Variants in COL19A1 observed in about 807,000 individuals in gnomAD.
COL19A1 encodes collagen type XIX alpha 1 chain.
COL19A1 carries 159 observed loss-of-function variants against 190.2 expected under a neutral mutation model. The observed-to-expected ratio is 0.84, with a 90% CI of 0.73 to 0.95. COL19A1 has a LOEUF of 0.95. Ranked by LOEUF, COL19A1 falls within the 40% of genes least tolerant of loss-of-function variation. The pLI is 0.00. For missense variants in COL19A1, 1,418 were observed against 1,431.9 expected, an observed-to-expected ratio of 0.99 and a Z score of 0.16; for synonymous variants, 509 against 458.9, an observed-to-expected ratio of 1.11 and a Z score of -1.39.
chr6:70,022,020 T>C (rs1455637565), intron 11 of COL19A1, among the ~76,000 whole-genome samples: 3 of 152,186 alleles, frequency 2.0e-5, no homozygotes, highest in Non-Finnish European at 2.9e-5. Context: ...TTTACTTCAT[T>C]TCCTATGCTT....
intron 13 of COL19A1, 55 bp from the exon 14 acceptor site, chr6:70,035,849 A>G: frequency 2.1e-6 from 3 of 1,451,762 alleles, no homozygotes; most frequent in South Asian, 1.2e-5. Context: ...AAATTTATAA[A>G]TAATGTGCAA....
intron 48 of COL19A1, among the ~76,000 whole-genome samples, chr6:70,191,574 T>G (rs1399090410): frequency 1.3e-5 from 2 of 152,232 alleles, no homozygotes; most frequent in Non-Finnish European, 2.9e-5. Flanking sequence ...CACTTGTAAA[T>G]CATCTTCTAA....
At chr6:69,888,385 A>G (rs1013394812) in intron 2 of COL19A1, among the ~76,000 whole-genome samples, 1 of 152,152 alleles carries the variant, frequency 6.6e-6, no homozygotes, top group Non-Finnish European at 1.5e-5. Context: ...TCCAATCCTA[A>G]GCCAACTAGT....
At chr6:69,945,848 T>C (rs9454920) in intron 9 of COL19A1, among the ~76,000 whole-genome samples, 16,219 of 152,064 alleles carry the variant, frequency 0.11, 973 homozygotes, top group Middle Eastern at 0.16. Flanking sequence ...CAAGTGTTAG[T>C]GACAGAGAAA....
At chr6:70,174,757 A>G (rs574036050) in intron 41 of COL19A1, among the ~76,000 whole-genome samples, 2 of 152,330 alleles carry the variant, frequency 1.3e-5, no homozygotes, top group South Asian at 4.1e-4. Context: ...ACAAGTAACC[A>G]TGGAATTTTA....
At chr6:70,198,596 G>A (rs990915228) in intron 48 of COL19A1, among the ~76,000 whole-genome samples, 2 of 152,122 alleles carry the variant, frequency 1.3e-5, no homozygotes, top group African/African-American at 4.8e-5. Flanking sequence ...AGACTCCAGT[G>A]ATAGATTGTA....
intron 1 of COL19A1, among the ~76,000 whole-genome samples, chr6:69,878,178 G>T (rs1415815604): frequency 1.3e-5 from 2 of 150,266 alleles, no homozygotes; most frequent in East Asian, 3.9e-4. Flanking sequence ...ACACCCATTA[G>T]GATAGTAATT....
intron 34 of COL19A1, among the ~76,000 whole-genome samples, chr6:70,160,118 A>G (rs1000782375): frequency 5.3e-5 from 8 of 152,242 alleles, no homozygotes; most frequent in Non-Finnish European, 8.8e-5. Flanking sequence ...TCACACTGCT[A>G]TAAAGAACTT....
intron 46 of COL19A1, among the ~76,000 whole-genome samples, chr6:70,187,243 C>A (rs564874509): frequency 1.3e-5 from 2 of 152,284 alleles, no homozygotes; most frequent in East Asian, 3.9e-4. Context: ...ATCCTCCCCC[C>A]AGTCACCTGC....
At chr6:70,071,726 A>C (rs1781568066) in intron 15 of COL19A1, among the ~76,000 whole-genome samples, 1 of 152,060 alleles carries the variant, frequency 6.6e-6, no homozygotes, top group Non-Finnish European at 1.5e-5. Context: ...GATCACGATG[A>C]GGGAGAACAG....
intron 14 of COL19A1, among the ~76,000 whole-genome samples, chr6:70,067,354 A>T (rs1362468945): frequency 2.0e-5 from 3 of 152,132 alleles, no homozygotes; most frequent in Non-Finnish European, 4.4e-5. Flanking sequence ...ACTGTATGTG[A>T]GAGAGAAGTT....
chr6:70,120,682 G>C (rs1481690862), intron 16 of COL19A1, among the ~76,000 whole-genome samples: 1 of 152,114 alleles, frequency 6.6e-6, no homozygotes, highest in East Asian at 1.9e-4. Flanking sequence ...ACCATTACTT[G>C]TGAGGCCCAT....
intron 14 of COL19A1, among the ~76,000 whole-genome samples, chr6:70,067,586 G>A (rs1246308298): frequency 6.6e-6 from 1 of 152,100 alleles, no homozygotes; most frequent in African/African-American, 2.4e-5. Flanking sequence ...ATAAACTGGA[G>A]TTGTAGATCT....
At chr6:69,916,231 C>T (rs970669877) in intron 4 of COL19A1, among the ~76,000 whole-genome samples, 2 of 152,142 alleles carry the variant, frequency 1.3e-5, no homozygotes, top group Non-Finnish European at 2.9e-5. Context: ...CCACCGCGCC[C>T]AGCTTTAAAT....
intron 15 of COL19A1, among the ~76,000 whole-genome samples, chr6:70,100,350 G>A (rs1301945739): frequency 6.6e-6 from 1 of 152,088 alleles, no homozygotes; most frequent in Non-Finnish European, 1.5e-5. Context: ...CTGATTTTCA[G>A]AAAATGTAAA....
chr6:69,956,960 A>T (rs1375780165), intron 9 of COL19A1, among the ~76,000 whole-genome samples: 3 of 152,040 alleles, frequency 2.0e-5, no homozygotes, highest in Non-Finnish European at 4.4e-5. Context: ...GTTAAAAAAA[A>T]TCACCACAGG....
intron 15 of COL19A1, among the ~76,000 whole-genome samples, chr6:70,085,766 A>C (rs1388211339): frequency 6.6e-6 from 1 of 152,146 alleles, no homozygotes; most frequent in African/African-American, 2.4e-5. Context: ...TCAAAGCTCT[A>C]AGAAACTGGT....
intron 11 of COL19A1, among the ~76,000 whole-genome samples, chr6:70,006,724 A>G (rs1777651533): frequency 6.6e-6 from 1 of 152,118 alleles, no homozygotes. Context: ...TTTTTAAAAA[A>G]TATAATGTTA....
intron 11 of COL19A1, among the ~76,000 whole-genome samples, chr6:70,017,174 A>G (rs894992833): frequency 1.3e-5 from 2 of 152,208 alleles, no homozygotes; most frequent in East Asian, 1.9e-4. Context: ...CTACTTAGCC[A>G]TGCAACATGG....
Sources: gnomAD v4.1 joint callset for allele counts (sites outside exome capture counted in the v4.1 genomes callset) on GRCh38, gnomAD v4.1.1 for gene constraint, MANE v1.5 for transcripts, NCBI Gene and HGNC (gene_info 2026-07-23, HGNC 2026-07-21) for gene names.